Variants in LRRC4B observed in about 807,000 individuals in gnomAD.
The protein encoded by LRRC4B is leucine rich repeat containing 4B.
In LRRC4B, 1 loss-of-function variant was observed where a neutral mutation model predicts 7.3. The ratio of observed to expected loss-of-function variants is 0.14; its 90% CI spans 0.05 to 0.65. LRRC4B has a LOEUF of 0.65. LRRC4B is among the 30% of genes least tolerant of loss of function. The pLI, the probability that LRRC4B is intolerant of heterozygous loss-of-function variation, is 0.84. For synonymous variants in LRRC4B, 500 were observed against 499.2 expected (o/e 1.00, Z -0.02); for missense variants, 730 against 1,041.6 (o/e 0.70, Z 4.12).
At chr19:50,526,732 G>A (rs988547160) in intron 2 of LRRC4B, among the ~76,000 whole-genome samples, 5 of 152,138 alleles carry the variant, frequency 3.3e-5, no homozygotes, top group African/African-American at 9.7e-5. Flanking sequence ...AAAAATGTAT[G>A]AGAAGAAAAT....
intron 2 of LRRC4B, among the ~76,000 whole-genome samples, chr19:50,540,293 C>T (rs756108147): frequency 6.6e-6 from 1 of 152,054 alleles, no homozygotes; most frequent in East Asian, 1.9e-4. Flanking sequence ...AGCAGGCGAG[C>T]GAGCATTACT....
intron 1 of LRRC4B, among the ~76,000 whole-genome samples, chr19:50,558,164 C>G (rs1253876274): frequency 6.6e-6 from 1 of 151,940 alleles, no homozygotes; most frequent in Non-Finnish European, 1.5e-5. Flanking sequence ...GCTGGCACCC[C>G]TAGCCCCCAA....
Position 50,519,519 on chromosome 19 carries a change from G to A in LRRC4B, c.298-104C>T, listed in dbSNP as rs1434819601. ...GTGGGGCCGTGTGGCTGGATCTCCC[G>A]TGCTGTGCTGTGACGGTACGACCTA... On this transcript the variant is annotated intron_variant, in intron 2 of 2. Coordinates refer to ENST00000652263, the MANE Select transcript of LRRC4B (RefSeq NM_001080457.2). This position sits in a 1 kb window ranked among gnomAD's most constrained non-coding sequence, Gnocchi z 8.1. 2.8e-6 allele frequency: 4 copies of A among 1,444,084 alleles called. No homozygotes were observed. Among genetic ancestry groups the A allele is most frequent in the South Asian group, 1.5e-5 (1 of 68,732 alleles). The allele number at this position is 1,444,084 out of a possible 1,614,324, so 89.5% of individuals were successfully genotyped here.
chr19:50,548,856 C>A lies in LRRC4B; in HGVS notation c.-18G>T, dbSNP rs758659242. 5 of 1,183,250 alleles carry A rather than the reference C, an allele frequency of 4.2e-6. No homozygotes were observed. Among genetic ancestry groups the A allele is most frequent in the Admixed American group, 3.3e-5 (1 of 30,338 alleles). The allele number at this position is 1,183,250 out of a possible 1,614,324, so 73.3% of individuals were successfully genotyped here. Reference sequence around the variant, plus strand: ...CGCGCCATCCTCAATGTTCATGCTCCGCGTGGACGCTGGGGGGCTGTGGGT... The same window carrying A: ...CGCGCCATCCTCAATGTTCATGCTCAGCGTGGACGCTGGGGGGCTGTGGGT... On this transcript the variant is annotated 5_prime_UTR_variant, in exon 2 of 3. The change creates a premature stop within an existing upstream ORF in the 5' untranslated region. Transcript: ENST00000652263. This position sits in a 1 kb window ranked among gnomAD's most constrained non-coding sequence, Gnocchi z 6.8.
At chr19:50,528,930 C>T (rs149072962) in intron 2 of LRRC4B, among the ~76,000 whole-genome samples, 22 of 152,226 alleles carry the variant, frequency 1.4e-4, no homozygotes, top group African/African-American at 4.8e-4. Flanking sequence ...CTGCACCCAG[C>T]CGGAGATGCG....
rs61751957 is a variant in LRRC4B, at chr19:50,517,800, A to G, written c.1913T>C (p.Val638Ala). ...SAVSVAAAAA[V>A]ASGGGVGGDS... The stretch of plus-strand genomic sequence containing the variant: ...CCCGCCCACACCACCCCCACTGGCC[A>G]CGGCGGCCGCGGCGGCCACGGACAC... Residue 638 changes from valine (V) to alanine (A), a missense_variant, in exon 3 of 3, where the codon GTG becomes GCG. Physicochemically the swap from Val to Ala is moderately conservative, Grantham distance 64. Coordinates refer to ENST00000652263, the MANE Select transcript of LRRC4B (RefSeq NM_001080457.2). This position sits in a 1 kb window ranked among gnomAD's most constrained non-coding sequence, Gnocchi z 6.6. 0.31 allele frequency: 482,228 copies of G among 1,534,450 alleles called. 78,604 individuals are homozygous for G. The highest frequency in any genetic ancestry group is 0.34 in the Non-Finnish European group (390,629 of 1,146,676).
chr19:50,534,681 C>T (rs1981188058), intron 2 of LRRC4B, among the ~76,000 whole-genome samples: 1 of 152,124 alleles, frequency 6.6e-6, no homozygotes, highest in South Asian at 2.1e-4. Context: ...TATCCTGCAA[C>T]TTGGCCTGTG....
At chr19:50,527,554 T>A (rs563279872) in intron 2 of LRRC4B, among the ~76,000 whole-genome samples, 1 of 152,050 alleles carries the variant, frequency 6.6e-6, no homozygotes, top group Admixed American at 6.6e-5. Context: ...TTAATAACAT[T>A]GTGAGTATTT....
chr19:50,533,528 C>A (rs181062902), intron 2 of LRRC4B, among the ~76,000 whole-genome samples: 95 of 151,520 alleles, frequency 6.3e-4, no homozygotes, highest in African/African-American at 2.3e-3. Context: ...GACCAAAGAC[C>A]AGTTCATTCT....
At chr19:50,541,047 GCTGGTGGGTGC>G (rs1295147182) in intron 2 of LRRC4B, among the ~76,000 whole-genome samples, 2 of 151,806 alleles carry the variant, frequency 1.3e-5, no homozygotes, top group African/African-American at 4.8e-5. Flanking sequence ...AGCCGGGCGT[GCTGGTGGGTGC>G]CTGTAGTCCC....
Position 50,555,633 on chromosome 19 carries a change from G to T in LRRC4B, c.-35-6760C>A, listed in dbSNP as rs1332627493. 6.6e-6 allele frequency: 1 copy of T among 152,304 alleles called. No individual in the cohort carries two copies. 9.4% of individuals were successfully genotyped at this position (152,304 alleles called of 1,614,324 possible). On this transcript the variant is annotated intron_variant, in intron 1 of 2. Transcript: ENST00000652263. This position sits in a 1 kb window ranked among gnomAD's most constrained non-coding sequence, Gnocchi z 5.2. ...CTCACCGGCTTCGCCATCCTCCCCA[G>T]CCCCAGCTCTGAGAGATCTCGGGCA...
Position 50,548,442 on chromosome 19 carries a change from G to A in LRRC4B, c.297+100C>T, listed in dbSNP as rs536972175. The A allele has an allele frequency of 5.0e-4, 731 of 1,470,208 alleles. 3 individuals are homozygous for A. The African/African-American group carries it at 9.0e-3, about 18-fold the overall frequency. 91.1% of individuals were successfully genotyped at this position (1,470,208 alleles called of 1,614,324 possible). On this transcript the variant is annotated intron_variant, in intron 2 of 2. Transcript: ENST00000652263. The surrounding 1 kb of genome is among the most constrained non-coding windows in gnomAD (Gnocchi z 6.8). ...CCACATCCACAGGTGCCGGAGACGG[G>A]GAAGCCCCGGTGTGGGGAGGCCCAG...
chr19:50,565,058 G>A (rs1251843854), intron 1 of LRRC4B, among the ~76,000 whole-genome samples: 2 of 152,176 alleles, frequency 1.3e-5, no homozygotes, highest in Non-Finnish European at 2.9e-5. Context: ...GGTCCCTGAG[G>A]AGCCCCGTGG....
rs1388353293 is a variant in LRRC4B at position 50,556,484 on chromosome 19, G to A, written c.-35-7611C>T. Among the ~76,000 whole-genome samples, 3 of 152,110 alleles carry A rather than the reference G, an allele frequency of 2.0e-5. No individual in the cohort carries two copies. The highest frequency in any genetic ancestry group is 2.9e-5 in the Non-Finnish European group (2 of 68,006). ...GGTGCTCTTCCTGGGGTCAGGGGGG[G>A]CTCTGCGTTCCCACGACACCTCCAG... On this transcript the variant is annotated intron_variant, in intron 1 of 2. Transcript: ENST00000652263. The surrounding 1 kb of genome is among the most constrained non-coding windows in gnomAD (Gnocchi z 4.2).
Position 50,549,441 on chromosome 19 carries a change from C to T in LRRC4B, c.-35-568G>A, listed in dbSNP as rs140402311. On this transcript the variant is annotated intron_variant, in intron 1 of 2. Transcript: ENST00000652263. ...CCTCTCCCCATCCCAGGGATGTTAG[C>T]GAAGAGATGCATTTCCCCCACCCCC... Among the ~76,000 whole-genome samples, 906 of 152,078 alleles carry T rather than the reference C, an allele frequency of 6.0e-3. 10 individuals are homozygous for T. The highest frequency in any genetic ancestry group is 0.02 in the African/African-American group (828 of 41,500).
rs556397497 is a variant in LRRC4B at position 50,551,713 on chromosome 19, C to T, written c.-35-2840G>A. Among the ~76,000 whole-genome samples, 10 of 151,030 alleles carry T rather than the reference C, an allele frequency of 6.6e-5. No homozygotes were observed. In the East Asian group the frequency reaches 1.2e-3, roughly 18 times the overall value. On this transcript the variant is annotated intron_variant, in intron 1 of 2. Coordinates refer to ENST00000652263, the MANE Select transcript of LRRC4B (RefSeq NM_001080457.2). The stretch of plus-strand genomic sequence containing the variant: ...TGCTCTATCCCTGTCACCCTCTCAT[C>T]GGCCCTGAGCCCGTCTCAGTCAGGT...
chr19:50,554,665 T>C (rs1274786685), intron 1 of LRRC4B, among the ~76,000 whole-genome samples: 1 of 152,188 alleles, frequency 6.6e-6, no homozygotes. Flanking sequence ...CCAAAGGTGG[T>C]AACGTCCAAC....
Position 50,518,531 on chromosome 19 carries a change from G to A in LRRC4B, c.1182C>T (p.Val394=). 6.3e-7 allele frequency: 1 copy of A among 1,577,060 alleles called. No homozygotes were observed. Among genetic ancestry groups the A allele is most frequent in the South Asian group, 1.2e-5 (1 of 84,808 alleles). Residue 394 remains valine (V), a synonymous_variant, in exon 3 of 3, where the codon GTC becomes GTT. Coordinates refer to ENST00000652263, the MANE Select transcript of LRRC4B (RefSeq NM_001080457.2). ...GGGTGCCGTTGGGCGTCAGCCAGTTGACGGAGGTCATGGAGGTGCCCGTGC... is the reference window on the plus strand; with the variant it reads ...GGGTGCCGTTGGGCGTCAGCCAGTTAACGGAGGTCATGGAGGTGCCCGTGC... ...KCRTGTSMTS[V]NWLTPNGTLM... is the part of the protein sequence containing the mutation.
chr19:50,523,439 AG>A (rs1980667147), intron 2 of LRRC4B, among the ~76,000 whole-genome samples: 1 of 149,294 alleles, frequency 6.7e-6, no homozygotes, highest in African/African-American at 2.5e-5. Flanking sequence ...GCACTTAGGT[AG>A]GCCGAGGCGG....
Sources: allele counts gnomAD v4.1 joint callset (sites outside exome capture counted in the v4.1 genomes callset), GRCh38; gene constraint gnomAD v4.1.1; non-coding constraint Gnocchi (gnomAD v3.1); transcripts MANE v1.5; gene names NCBI Gene and HGNC (gene_info 2026-07-23, HGNC 2026-07-21).